Variants in CAMK1D observed in about 807,000 individuals in gnomAD.
CAMK1D encodes the protein calcium/calmodulin-dependent protein kinase type 1D.
CAMK1D carries 9 observed loss-of-function variants against 47.7 expected under a neutral mutation model. The observed-to-expected ratio is 0.19, with a 90% CI of 0.11 to 0.33. The LOEUF (loss-of-function observed/expected upper bound fraction) is 0.33. Among genes scored for constraint, CAMK1D ranks in the 10% least tolerant of loss-of-function variants. The pLI is 1.00. For missense variants in CAMK1D, 291 were observed against 488.7 expected, an observed-to-expected ratio of 0.60 and a Z score of 3.81; for synonymous variants, 184 against 184.9, an observed-to-expected ratio of 0.99 and a Z score of 0.04.
chr10:12,804,983 G>A (rs949488695), intron 6 of CAMK1D, among the ~76,000 whole-genome samples: 66 of 148,958 alleles, frequency 4.4e-4, no homozygotes, highest in Middle Eastern at 3.3e-3. Context: ...ATACTAGGCC[G>A]GGCGCGGTGG....
intron 1 of CAMK1D, among the ~76,000 whole-genome samples, chr10:12,387,197 C>A (rs1838522211): frequency 6.9e-6 from 1 of 145,592 alleles, no homozygotes; most frequent in African/African-American, 2.5e-5. Context: ...AAGAGAGACT[C>A]CATCTCAAAA....
intron 3 of CAMK1D, among the ~76,000 whole-genome samples, chr10:12,747,545 C>G (rs1564532893): frequency 6.6e-6 from 1 of 152,174 alleles, no homozygotes; most frequent in African/African-American, 2.4e-5. Flanking sequence ...CCAGGCTGGT[C>G]TTGAACTCCT....
chr10:12,599,995 C>T (rs1370764631), intron 2 of CAMK1D, among the ~76,000 whole-genome samples: 2 of 152,134 alleles, frequency 1.3e-5, no homozygotes, highest in African/African-American at 4.8e-5. Flanking sequence ...GTCCTGGCTG[C>T]TTAGGAGGCT....
At chr10:12,464,052 A>G (rs902799024) in intron 1 of CAMK1D, among the ~76,000 whole-genome samples, 1 of 152,156 alleles carries the variant, frequency 6.6e-6, no homozygotes, top group African/African-American at 2.4e-5. Context: ...TCTTTCCTTT[A>G]TAAATCACTC....
At chr10:12,786,543 TTTTA>T (rs1019418534) in intron 5 of CAMK1D, among the ~76,000 whole-genome samples, 4 of 152,220 alleles carry the variant, frequency 2.6e-5, no homozygotes, top group African/African-American at 9.6e-5. Context: ...TTATGTATTT[TTTTA>T]TTTGTTTGTT....
At chr10:12,646,999 C>T (rs917627670) in intron 2 of CAMK1D, among the ~76,000 whole-genome samples, 3 of 151,802 alleles carry the variant, frequency 2.0e-5, no homozygotes, top group African/African-American at 4.8e-5. Context: ...TGTGCCACCT[C>T]GCCTGGCTAA....
intron 1 of CAMK1D, among the ~76,000 whole-genome samples, chr10:12,461,923 T>G (rs1407743758): frequency 6.6e-6 from 1 of 152,074 alleles, no homozygotes; most frequent in African/African-American, 2.4e-5. Flanking sequence ...CTGTTCCCTG[T>G]TCTCTGAAAC....
At position 12,414,038 on chromosome 10, in the gene CAMK1D, T is replaced by C. The variant is rs546597583; in HGVS notation, c.92+64128T>C. 6.6e-5 allele frequency among the ~76,000 whole-genome samples: 10 copies of C among 152,344 alleles called. No individual in the cohort carries two copies. In the South Asian group the frequency reaches 2.1e-3, roughly 32 times the overall value. On this transcript the variant is annotated intron_variant, in intron 1 of 10. Transcript: ENST00000619168. ...GGTAGTTTGGATGTACTGACCTTAC[T>C]TGAAAAATTAAGATTTAGCAACTCT...
Position 12,798,121 on chromosome 10 carries a change from C to A in CAMK1D, c.641+6888C>A, listed in dbSNP as rs369727808. On this transcript the variant is annotated intron_variant, in intron 6 of 10. Transcript: ENST00000619168. ...AGGTCAGAAGGTAGTGGCTCACAGC[C>A]GTCACTTTTGTGCCCTGAATGGCGT... is the stretch of plus-strand genomic sequence containing the variant. 1.3e-3 allele frequency among the ~76,000 whole-genome samples: 195 copies of A among 152,322 alleles called. 2 individuals are homozygous for A. The highest frequency in any genetic ancestry group is 4.5e-3 in the African/African-American group (188 of 41,574).
intron 1 of CAMK1D, among the ~76,000 whole-genome samples, chr10:12,500,875 T>C (rs1834680797): frequency 6.6e-6 from 1 of 152,248 alleles, no homozygotes; most frequent in Non-Finnish European, 1.5e-5. Context: ...AACTGTGCTG[T>C]TATTAACTGC....
chr10:12,634,952 C>T (rs960465563), intron 2 of CAMK1D, among the ~76,000 whole-genome samples: 2 of 152,132 alleles, frequency 1.3e-5, no homozygotes, highest in African/African-American at 4.8e-5. Flanking sequence ...TTTAGTTGCT[C>T]ACTCATTCCT....
intron 1 of CAMK1D, among the ~76,000 whole-genome samples, chr10:12,389,120 G>T (rs1405773891): frequency 6.6e-6 from 1 of 152,186 alleles, no homozygotes; most frequent in Non-Finnish European, 1.5e-5. Flanking sequence ...TTAGAGAGAG[G>T]CTAATTATTT....
chr10:12,587,162 C>T lies in CAMK1D; in HGVS notation c.224+33806C>T, dbSNP rs533459339. On this transcript the variant is annotated intron_variant, in intron 2 of 10. Transcript: ENST00000619168. ...TGCTCTGGTTTCATGGGTTCCTTTC[C>T]TTTTAAGGGAAAACAAACTTCTCTG... 6.6e-5 allele frequency among the ~76,000 whole-genome samples: 10 copies of T among 152,212 alleles called. No homozygotes were observed. The East Asian group carries it at 1.9e-3, about 29-fold the overall frequency.
chr10:12,585,010 A>T (rs1300515526), intron 2 of CAMK1D, among the ~76,000 whole-genome samples: 1 of 152,208 alleles, frequency 6.6e-6, no homozygotes, highest in Non-Finnish European at 1.5e-5. Context: ...ACTACCAGGA[A>T]CATTTGGACT....
At chr10:12,562,308 A>C (rs1836969703) in intron 2 of CAMK1D, among the ~76,000 whole-genome samples, 1 of 152,136 alleles carries the variant, frequency 6.6e-6, no homozygotes, top group Non-Finnish European at 1.5e-5. Context: ...ATCCATCCCT[A>C]CATGATGGCA....
At chr10:12,490,232 G>A (rs1262077292) in intron 1 of CAMK1D, among the ~76,000 whole-genome samples, 1 of 152,070 alleles carries the variant, frequency 6.6e-6, no homozygotes, top group Non-Finnish European at 1.5e-5. Context: ...TTCCCCTCCT[G>A]CCTGAGGACA....
intron 3 of CAMK1D, among the ~76,000 whole-genome samples, chr10:12,758,976 C>T (rs1459548821): frequency 3.9e-5 from 6 of 152,202 alleles, no homozygotes; most frequent in South Asian, 4.1e-4. Flanking sequence ...AAAGCTGCCT[C>T]GATTGCATCC....
chr10:12,795,894 GC>G (rs1346005347), intron 6 of CAMK1D, among the ~76,000 whole-genome samples: 1 of 152,204 alleles, frequency 6.6e-6, no homozygotes, highest in Admixed American at 6.5e-5. Context: ...AGCTTATGCT[GC>G]CAGGAAGGGC....
intron 3 of CAMK1D, among the ~76,000 whole-genome samples, chr10:12,756,871 C>T (rs757883476): frequency 7.2e-5 from 11 of 152,144 alleles, no homozygotes; most frequent in Non-Finnish European, 1.5e-4. Flanking sequence ...TGCAGTGAGC[C>T]GAGATGATGC....
Sources: allele counts gnomAD v4.1 joint callset (sites outside exome capture counted in the v4.1 genomes callset), GRCh38; gene constraint gnomAD v4.1.1; transcripts MANE v1.5; gene names NCBI Gene and HGNC (gene_info 2026-07-23, HGNC 2026-07-21).